Variants in MARCHF8 observed in about 807,000 individuals in gnomAD.
MARCHF8 encodes membrane associated ring-CH-type finger 8.
Under a neutral mutation model 51.6 loss-of-function variants are expected in MARCHF8, and 40 were observed. The ratio of observed to expected loss-of-function variants is 0.77; its 90% CI spans 0.60 to 1.01. The LOEUF (loss-of-function observed/expected upper bound fraction) is 1.01, where lower values mean the gene tolerates loss of function less well. MARCHF8 is among the 50% of genes least tolerant of loss of function. MARCHF8 has a pLI of 0.00. For missense variants in MARCHF8, 685 were observed against 708.6 expected, an observed-to-expected ratio of 0.97 and a Z score of 0.38; for synonymous variants, 263 against 280.3, an observed-to-expected ratio of 0.94 and a Z score of 0.62.
At chr10:45,465,939 C>T (rs1285599639) in intron 3 of MARCHF8, among the ~76,000 whole-genome samples, 2 of 152,258 alleles carry the variant, frequency 1.3e-5, no homozygotes, top group Non-Finnish European at 2.9e-5. Context: ...CCTCCCATCA[C>T]TACCTTTGTC....
At chr10:45,592,225 A>C (rs536839935) in intron 1 of MARCHF8, among the ~76,000 whole-genome samples, 1 of 152,330 alleles carries the variant, frequency 6.6e-6, no homozygotes, top group South Asian at 2.1e-4. Flanking sequence ...CTCCTTGAAA[A>C]AGAATTTCAA....
At chr10:45,559,979 T>C (rs1046813201) in intron 1 of MARCHF8, among the ~76,000 whole-genome samples, 4 of 152,000 alleles carry the variant, frequency 2.6e-5, no homozygotes, top group African/African-American at 9.7e-5. Context: ...ACAGAATCCT[T>C]CCTCCCCGCA....
rs181898991 is a variant in MARCHF8, at chr10:45,566,824, C to T, written c.-79+27411G>A. Reference sequence around the variant, plus strand: ...CTAGCAGTGGGATTGCCAGATCATACGATAGGTCAATTTTTAGTTTTTTGA... The same window carrying T: ...CTAGCAGTGGGATTGCCAGATCATATGATAGGTCAATTTTTAGTTTTTTGA... On this transcript the variant is annotated intron_variant, in intron 1 of 6. Coordinates refer to the MARCHF8 transcript ENST00000319836. 1.2e-3 allele frequency among the ~76,000 whole-genome samples: 186 copies of T among 152,060 alleles called. 2 individuals are homozygous for T. The highest frequency in any genetic ancestry group is 1.5e-3 in the South Asian group (7 of 4,804).
At chr10:45,519,917 G>C (rs1380680926) in intron 2 of MARCHF8, among the ~76,000 whole-genome samples, 1 of 152,186 alleles carries the variant, frequency 6.6e-6, no homozygotes, top group African/African-American at 2.4e-5. Context: ...TTCTAGCCCA[G>C]GTGACTCAGA....
At chr10:45,480,432 A>T (rs2042864330) in intron 3 of MARCHF8, among the ~76,000 whole-genome samples, 2 of 152,116 alleles carry the variant, frequency 1.3e-5, no homozygotes, top group African/African-American at 4.8e-5. Context: ...CATGTCAGAG[A>T]TCTTTGCTGG....
chr10:45,571,525 C>A (rs1023502412), intron 1 of MARCHF8, among the ~76,000 whole-genome samples: 2 of 152,146 alleles, frequency 1.3e-5, no homozygotes, highest in African/African-American at 2.4e-5. Flanking sequence ...AGCTTTATTG[C>A]TCACACAAAG....
intron 5 of MARCHF8, 48 bp from the exon 6 acceptor site, chr10:45,461,459 G>A: frequency 7.0e-7 from 1 of 1,423,462 alleles, no homozygotes; most frequent in African/African-American, 1.5e-5. Flanking sequence ...CCCATGACAG[G>A]GAAGCTGACA....
intron 6 of MARCHF8, among the ~76,000 whole-genome samples, chr10:45,460,269 C>T (rs1013898408): frequency 3.3e-5 from 5 of 152,196 alleles, no homozygotes; most frequent in Admixed American, 6.5e-5. Flanking sequence ...TGTTCACCTT[C>T]ACCTTTCTAG....
intron 1 of MARCHF8, among the ~76,000 whole-genome samples, chr10:45,549,459 A>T (rs2044169897): frequency 6.6e-6 from 1 of 152,144 alleles, no homozygotes; most frequent in South Asian, 2.1e-4. Flanking sequence ...CTTTTCTTCT[A>T]GGCTTCTTCA....
chr10:45,540,100 T>C (rs1452796055), upstream of MARCHF8, among the ~76,000 whole-genome samples: 1 of 152,176 alleles, frequency 6.6e-6, no homozygotes, highest in Non-Finnish European at 1.5e-5. Context: ...GAAGAATCAA[T>C]ATCATGAAAA....
chr10:45,588,541 A>AT (rs1318463769), intron 1 of MARCHF8, among the ~76,000 whole-genome samples: 1 of 152,230 alleles, frequency 6.6e-6, no homozygotes, highest in Non-Finnish European at 1.5e-5. Context: ...GTTTTGGTTG[A>AT]TAAAGACTTG....
chr10:45,509,154 T>C (rs947546059), intron 2 of MARCHF8, among the ~76,000 whole-genome samples: 1 of 152,210 alleles, frequency 6.6e-6, no homozygotes, highest in East Asian at 1.9e-4. Context: ...ACCAGTGGCC[T>C]AAGTCAGAAT....
chr10:45,467,246 C>T (rs1486900116), intron 3 of MARCHF8, among the ~76,000 whole-genome samples: 1 of 152,220 alleles, frequency 6.6e-6, no homozygotes, highest in African/African-American at 2.4e-5. Context: ...GAGAAAGAGT[C>T]TCTCTTCTTA....
At chr10:45,576,344 A>G (rs535677241) in intron 1 of MARCHF8, among the ~76,000 whole-genome samples, 1 of 152,334 alleles carries the variant, frequency 6.6e-6, no homozygotes, top group African/African-American at 2.4e-5. Flanking sequence ...TCACACCATG[A>G]ATAAAAAATA....
rs139808124 is a variant in MARCHF8 at position 45,464,275 on chromosome 10, C to G, written c.206G>C (p.Arg69Pro). 2 of 1,614,104 alleles carry G rather than the reference C, an allele frequency of 1.2e-6. No homozygotes were observed. The highest frequency in any genetic ancestry group is 8.5e-7 in the Non-Finnish European group (1 of 1,180,020). ...CTGGCTGGATGGCGTGATAGAAGTG[C>G]GAGAGAAGGAGGACACCGGAGCCGG... ...SAPAPVSSFS[R>P]TSITPSSQDI... is the part of the protein sequence containing the mutation. The change falls in exon 4 of 8, where the codon CGC becomes CCC. Residue 69 changes from arginine to proline, a missense_variant. Arg to Pro is a moderately radical substitution (Grantham distance 103). Transcript: ENST00000453424.
At chr10:45,475,279 A>C (rs1447410970) in intron 3 of MARCHF8, among the ~76,000 whole-genome samples, 4 of 152,156 alleles carry the variant, frequency 2.6e-5, no homozygotes, top group Non-Finnish European at 5.9e-5. Flanking sequence ...TTGCCACTGA[A>C]AGCAACCCCA....
intron 2 of MARCHF8, among the ~76,000 whole-genome samples, chr10:45,514,837 C>A (rs2043592647): frequency 6.6e-6 from 1 of 152,124 alleles, no homozygotes; most frequent in Admixed American, 6.5e-5. Context: ...CCACAGATGT[C>A]TGACAGAACA....
At chr10:45,538,064 G>A (rs1322609066), upstream of MARCHF8, among the ~76,000 whole-genome samples, 1 of 152,110 alleles carries the variant, frequency 6.6e-6, no homozygotes, top group Non-Finnish European at 1.5e-5. Context: ...GATAGAAAGA[G>A]TACAAAGGTT....
chr10:45,538,964 G>C (rs149395807), upstream of MARCHF8, among the ~76,000 whole-genome samples: 2 of 152,036 alleles, frequency 1.3e-5, no homozygotes, highest in Non-Finnish European at 1.5e-5. Context: ...TGCACCAAGC[G>C]GACCTAATAG....
Sources: gnomAD v4.1 joint callset for allele counts (sites outside exome capture counted in the v4.1 genomes callset) on GRCh38, gnomAD v4.1.1 for gene constraint, MANE v1.5 for transcripts, NCBI Gene and HGNC (gene_info 2026-07-23, HGNC 2026-07-21) for gene names.